The following PCGF2 variants were observed in gnomAD, a reference collection of about 807,000 sequenced individuals.
PCGF2 encodes polycomb group RING finger protein 2.
Under a neutral mutation model 36.1 loss-of-function variants are expected in PCGF2, and 8 were observed. The ratio of observed to expected loss-of-function variants is 0.22; its 90% CI spans 0.13 to 0.40. PCGF2 has a LOEUF of 0.40. Ranked by LOEUF, PCGF2 falls within the 10% of genes least tolerant of loss-of-function variation. The pLI is 1.00. For missense variants in PCGF2, 436 were observed against 475.9 expected (o/e 0.92, Z 0.78); for synonymous variants, 198 against 191.2 (o/e 1.04, Z -0.29).
At chr17:38,740,535 G>A (rs997756002) in intron 2 of PCGF2, 93 bp from the exon 3 acceptor site, 30 of 806,772 alleles carry the variant, frequency 3.7e-5, no homozygotes, top group East Asian at 5.7e-5. Context: ...CAAGGCGGGC[G>A]GATCACGAGG....
intron 2 of PCGF2, among the ~76,000 whole-genome samples, chr17:38,745,997 G>A (rs1044084159): frequency 1.6e-4 from 24 of 152,074 alleles, no homozygotes; most frequent in African/African-American, 3.9e-4. Context: ...GTCCAACTGC[G>A]CAAGCCCCTT....
chr17:38,745,403 G>A (rs546269198), intron 2 of PCGF2, among the ~76,000 whole-genome samples: 57 of 152,216 alleles, frequency 3.7e-4, no homozygotes, highest in Non-Finnish European at 6.6e-4. Context: ...CTACTCAGGA[G>A]GCTGAGCCAG....
chr17:38,739,933 C>T lies in PCGF2; in HGVS notation c.113-251G>A, dbSNP rs1042624685. ...GGTCAGCCCTGAGTCCCAAGCTCCC[C>T]GATGGAGTGGGGGACAAAAGCCAGC... On this transcript the variant is annotated intron_variant, in intron 3 of 10. Transcript: ENST00000620225. This position sits in a 1 kb window ranked among gnomAD's most constrained non-coding sequence, Gnocchi z 4.0. 3.3e-5 allele frequency among the ~76,000 whole-genome samples: 5 copies of T among 152,138 alleles called. No homozygotes were observed. The highest frequency in any genetic ancestry group is 9.7e-5 in the African/African-American group (4 of 41,406).
In PCGF2 at chr17:38,734,527, G is replaced by GAA. The variant is rs5820265; in HGVS notation, c.*694_*695dup. The stretch of plus-strand genomic sequence containing the variant: ...AATGATGCAAAGGCCACACACACAG[G>GAA]AAAAAAAAAAAAAGAGGCAGAACTA... On this transcript the variant is annotated 3_prime_UTR_variant, in exon 11 of 11. Transcript: ENST00000620225. The GAA allele has an allele frequency of 0.27, 38,575 of 144,072 alleles. 5,825 individuals carry two copies. Among genetic ancestry groups the GAA allele is most frequent in the Middle Eastern group, 0.34 (96 of 280 alleles). 8.9% of individuals were successfully genotyped at this position (144,072 alleles called of 1,614,324 possible).
chr17:38,734,103 C>A lies in PCGF2; in HGVS notation c.*1120G>T, dbSNP rs1906491017. 1 of 152,192 alleles carries A rather than the reference C, an allele frequency of 6.6e-6. No homozygotes were observed. The highest frequency in any genetic ancestry group is 2.4e-5 in the African/African-American group (1 of 41,330). The allele number at this position is 152,192 out of a possible 1,614,324, so 9.4% of individuals were successfully genotyped here. On this transcript the variant is annotated 3_prime_UTR_variant, in exon 11 of 11. Transcript: ENST00000620225. ...CAGATCTATGCACACTTGAGGAAAT[C>A]TCGGTGGGCAGCGACCTGCCAGGGT...
At chr17:38,743,500 G>C (rs747629116) in intron 2 of PCGF2, among the ~76,000 whole-genome samples, 2 of 152,122 alleles carry the variant, frequency 1.3e-5, no homozygotes, top group Non-Finnish European at 2.9e-5. Context: ...GCCCCAGCCT[G>C]TTCCTCTGGA....
intron 2 of PCGF2, among the ~76,000 whole-genome samples, chr17:38,745,708 G>T (rs947894504): frequency 6.6e-6 from 1 of 152,204 alleles, no homozygotes; most frequent in Non-Finnish European, 1.5e-5. Flanking sequence ...GTAATGCCCG[G>T]CTTCATCCCA....
rs574939992 is a variant in PCGF2 at position 38,741,079 on chromosome 17, G to C, written c.-40-637C>G. 9.2e-5 allele frequency among the ~76,000 whole-genome samples: 14 copies of C among 152,094 alleles called. No homozygotes were observed. The South Asian group carries it at 1.7e-3, about 18-fold the overall frequency. Reference sequence around the variant, plus strand: ...GGAGGCAGGAAAATGGAAAAGAAGAGGGTTTTTAAAACTCTTTCCAATCCC... The same window carrying C: ...GGAGGCAGGAAAATGGAAAAGAAGACGGTTTTTAAAACTCTTTCCAATCCC... On this transcript the variant is annotated intron_variant, in intron 2 of 10. Coordinates refer to ENST00000620225, the MANE Select transcript of PCGF2 (RefSeq NM_007144.3).
intron 2 of PCGF2, among the ~76,000 whole-genome samples, chr17:38,746,950 A>G (rs1243291145): frequency 1.3e-5 from 2 of 152,202 alleles, no homozygotes. Context: ...TTTCAGGAAC[A>G]GAAACTGCCA....
chr17:38,735,713 TG>T lies in PCGF2; in HGVS notation c.658-114del, dbSNP rs1267677594. Reference sequence around the variant, plus strand: ...CAGTGTCCAAACTCGAAAAAAGGGATGGGATGGGGCCTTGGAGAGGAGAGAG... The same window carrying T: ...CAGTGTCCAAACTCGAAAAAAGGGATGGATGGGGCCTTGGAGAGGAGAGAG... On this transcript the variant is annotated intron_variant, in intron 10 of 10. Transcript: ENST00000620225. 3.7e-6 allele frequency: 5 copies of T among 1,358,382 alleles called. No individual in the cohort carries two copies. The East Asian group carries it at 1.0e-4, about 28-fold the overall frequency. 84.1% of individuals were successfully genotyped at this position (1,358,382 alleles called of 1,614,324 possible).
rs747546989 is a variant in PCGF2, at chr17:38,735,183, T to G, written c.*40A>C. 26 of 1,285,516 alleles carry G rather than the reference T, an allele frequency of 2.0e-5. No homozygotes were observed. Among genetic ancestry groups the G allele is most frequent in the South Asian group, 1.0e-4 (4 of 39,514 alleles). 79.6% of individuals were successfully genotyped at this position (1,285,516 alleles called of 1,614,324 possible). On this transcript the variant is annotated 3_prime_UTR_variant, in exon 11 of 11. Coordinates refer to ENST00000620225, the MANE Select transcript of PCGF2 (RefSeq NM_007144.3). ...AAGGGCCCAGAAAAAGTGGAAGGAG[T>G]GGAGAGGCTTGGCTGGAAGAAGGGA...
At position 38,740,395 on chromosome 17, in the gene PCGF2, C is replaced by A. The variant is rs774706646; in HGVS notation, c.8G>T (p.Arg3Leu). ...CTCTGTGATTTTGATCCGTGTAGTCCGATGCATGATTCCGGGGTCGGGGGT... is the reference window on the plus strand; with the variant it reads ...CTCTGTGATTTTGATCCGTGTAGTCAGATGCATGATTCCGGGGTCGGGGGT... Reference protein sequence around the residue: MHRTTRIKITELN... With the variant: MHLTTRIKITELN... Residue 3 changes from arginine (R) to leucine (L), a missense_variant, in exon 3 of 11, where the codon CGG becomes CTG. Arg to Leu is a moderately radical substitution (Grantham distance 102). Transcript: ENST00000620225. The A allele has an allele frequency of 2.6e-6, 4 of 1,562,206 alleles. No individual in the cohort carries two copies. Among genetic ancestry groups the A allele is most frequent in the Non-Finnish European group, 8.7e-7 (1 of 1,150,356 alleles).
intron 2 of PCGF2, among the ~76,000 whole-genome samples, chr17:38,747,614 G>A (rs1469994240): frequency 6.6e-6 from 1 of 152,010 alleles, no homozygotes; most frequent in Non-Finnish European, 1.5e-5. Context: ...GCGGGGGGAG[G>A]TGCCCGAGAG....
At position 38,735,399 on chromosome 17, in the gene PCGF2, G is replaced by C. The variant is rs953468425; in HGVS notation, c.859C>G (p.Pro287Ala). ...GTGGCTGGAGGCCCATGGGAACTGG[G>C]AGAGCCATGGGATGGGGTGGCTGGG... ...PSPATPSHGSPSSHGPPATHP... is the reference protein window; with the variant it reads ...PSPATPSHGSASSHGPPATHP... The change falls in exon 11 of 11, where the codon CCC becomes GCC. Residue 287 changes from proline (P) to alanine (A), a missense_variant. By Grantham distance (27) the Pro-to-Ala change is conservative. Coordinates refer to ENST00000620225, the MANE Select transcript of PCGF2 (RefSeq NM_007144.3). 2.1e-5 allele frequency: 33 copies of C among 1,571,470 alleles called. No homozygotes were observed. Among genetic ancestry groups the C allele is most frequent in the Non-Finnish European group, 2.7e-5 (31 of 1,157,802 alleles).
intron 3 of PCGF2, 29 bp downstream of exon 3, chr17:38,740,262 C>T (rs1907094579): frequency 6.3e-7 from 1 of 1,599,630 alleles, no homozygotes; most frequent in African/African-American, 1.3e-5. Flanking sequence ...GGCTGCCCAC[C>T]CTGAGCAGCT....
chr17:38,743,047 G>A (rs1907304037), intron 2 of PCGF2, among the ~76,000 whole-genome samples: 1 of 150,384 alleles, frequency 6.6e-6, no homozygotes, highest in Admixed American at 6.6e-5. Context: ...TCGTGCCCGA[G>A]CCACCTCATT....
intron 9 of PCGF2, among the ~76,000 whole-genome samples, chr17:38,736,848 A>G (rs2143073015): frequency 6.6e-6 from 1 of 150,466 alleles, no homozygotes; most frequent in South Asian, 2.1e-4. Context: ...AAAACAAAAC[A>G]AAACAAAAAA....
In PCGF2 at chr17:38,735,323, G is replaced by T. The variant is rs1189241824; in HGVS notation, c.935C>A (p.Ala312Asp). Reference sequence around the variant, plus strand: ...GCAGTTCAAGCTACCCCCGTTGGCAGCTGTGGTGGCCCCACTGGCTGTCGA... The same window carrying T: ...GCAGTTCAAGCTACCCCCGTTGGCATCTGTGGTGGCCCCACTGGCTGTCGA... The part of the protein sequence containing the change: ...PPSTASGATT[A>D]ANGGSLNCLQ... Residue 312 changes from alanine to aspartate, a missense_variant, in exon 11 of 11, where the codon GCT becomes GAT. By Grantham distance (126) the Ala-to-Asp change is moderately radical. Coordinates refer to ENST00000620225, the MANE Select transcript of PCGF2 (RefSeq NM_007144.3). 1 of 1,542,410 alleles carries T rather than the reference G, an allele frequency of 6.5e-7. No individual in the cohort carries two copies. The highest frequency in any genetic ancestry group is 1.2e-5 in the South Asian group (1 of 82,070).
At position 38,735,144 on chromosome 17, in the gene PCGF2, G is replaced by C; in HGVS notation, c.*79C>G. ...AAGGTGGGAAGAGCTGGGGAAAGTAGAAGAGGTGGAAAAAAGGGCCCAGAA... is the reference window on the plus strand; with the variant it reads ...AAGGTGGGAAGAGCTGGGGAAAGTACAAGAGGTGGAAAAAAGGGCCCAGAA... On this transcript the variant is annotated 3_prime_UTR_variant, in exon 11 of 11. Coordinates refer to ENST00000620225, the MANE Select transcript of PCGF2 (RefSeq NM_007144.3). 8.7e-7 allele frequency: 1 copy of C among 1,147,944 alleles called. No homozygotes were observed. The highest frequency in any genetic ancestry group is 1.1e-6 in the Non-Finnish European group (1 of 876,540). 71.1% of individuals were successfully genotyped at this position (1,147,944 alleles called of 1,614,324 possible).
Sources: gnomAD v4.1 joint callset for allele counts (sites outside exome capture counted in the v4.1 genomes callset) on GRCh38, gnomAD v4.1.1 for gene constraint, Gnocchi (gnomAD v3.1) non-coding constraint, MANE v1.5 for transcripts, NCBI Gene and HGNC (gene_info 2026-07-23, HGNC 2026-07-21) for gene names.